CAMK4: variants seen among roughly 807,000 people sequenced by gnomAD.
CAMK4 encodes calcium/calmodulin dependent protein kinase IV.
In CAMK4, 22 loss-of-function variants were observed where a neutral mutation model predicts 44.9. The ratio of observed to expected loss-of-function variants is 0.49; its 90% CI spans 0.35 to 0.70. The LOEUF (loss-of-function observed/expected upper bound fraction) is 0.70, where lower values mean the gene tolerates loss of function less well. CAMK4 is among the 30% of genes least tolerant of loss of function. The pLI is 0.01. For missense variants in CAMK4, 498 were observed against 586.8 expected, an observed-to-expected ratio of 0.85 and a Z score of 1.56; for synonymous variants, 218 against 215.4, an observed-to-expected ratio of 1.01 and a Z score of -0.11.
intron 5 of CAMK4, among the ~76,000 whole-genome samples, chr5:111,424,501 G>A (rs964701350): frequency 7.8e-6 from 1 of 128,632 alleles, no homozygotes; most frequent in East Asian, 2.4e-4. Flanking sequence ...CTGGAGTGCA[G>A]TGGTGTGATC....
Position 111,331,816 on chromosome 5 carries a change from A to T in CAMK4, c.162-12208A>T, listed in dbSNP as rs369260891. 1.3e-4 allele frequency among the ~76,000 whole-genome samples: 20 copies of T among 151,910 alleles called. No individual in the cohort carries two copies. The South Asian group carries it at 4.1e-3, about 31-fold the overall frequency. On this transcript the variant is annotated intron_variant, in intron 1 of 10. Coordinates refer to ENST00000282356, the MANE Select transcript of CAMK4 (RefSeq NM_001744.6). ...AATAAATTATAAATTTGTGCTACCC[A>T]AAGTTCCATAGTTTTGATCTTAGTA...
chr5:111,247,481 G>A (rs982789376), intron 1 of CAMK4, among the ~76,000 whole-genome samples: 1 of 148,392 alleles, frequency 6.7e-6, no homozygotes, highest in African/African-American at 2.4e-5. Flanking sequence ...TTTTAAATTT[G>A]TAAATTGATT....
chr5:111,385,959 T>G (rs1751586670), intron 4 of CAMK4, among the ~76,000 whole-genome samples: 1 of 152,108 alleles, frequency 6.6e-6, no homozygotes, highest in Non-Finnish European at 1.5e-5. Flanking sequence ...ATTCCCAGAT[T>G]TGCAATTTGA....
At chr5:111,244,917 C>CT (rs1480929137) in intron 1 of CAMK4, among the ~76,000 whole-genome samples, 3 of 151,780 alleles carry the variant, frequency 2.0e-5, no homozygotes, top group African/African-American at 4.8e-5. Flanking sequence ...AAAATAAATC[C>CT]TTTTTTGTTT....
chr5:111,397,474 A>G (rs1196198416), intron 5 of CAMK4, among the ~76,000 whole-genome samples: 2 of 152,162 alleles, frequency 1.3e-5, no homozygotes, highest in South Asian at 2.1e-4. Flanking sequence ...GTGTAATATT[A>G]TACTCATTGA....
At chr5:111,287,530 A>C (rs1751286592) in intron 1 of CAMK4, among the ~76,000 whole-genome samples, 1 of 152,196 alleles carries the variant, frequency 6.6e-6, no homozygotes, top group African/African-American at 2.4e-5. Context: ...ATTTTAAGGA[A>C]AGTTTACTTT....
intron 5 of CAMK4, among the ~76,000 whole-genome samples, chr5:111,411,559 A>G (rs1265288465): frequency 2.6e-5 from 4 of 152,236 alleles, no homozygotes; most frequent in African/African-American, 2.4e-5. Context: ...ACAACCTGAT[A>G]GGAAATTGCT....
chr5:111,479,493 C>G (rs969393976), intron 9 of CAMK4, among the ~76,000 whole-genome samples: 3 of 152,098 alleles, frequency 2.0e-5, no homozygotes, highest in Non-Finnish European at 4.4e-5. Context: ...TAATCAAAAG[C>G]TGACTTTTGA....
chr5:111,452,349 G>A (rs1754267133), intron 7 of CAMK4, among the ~76,000 whole-genome samples: 1 of 152,174 alleles, frequency 6.6e-6, no homozygotes, highest in Non-Finnish European at 1.5e-5. Flanking sequence ...GATTTGACTT[G>A]GTAGGTAATG....
chr5:111,390,585 T>A (rs1751762183), intron 4 of CAMK4, among the ~76,000 whole-genome samples: 1 of 152,210 alleles, frequency 6.6e-6, no homozygotes, highest in Admixed American at 6.5e-5. Context: ...TTGTTGAAAC[T>A]GTCCTTTATG....
At chr5:111,397,320 C>T (rs571870648) in intron 5 of CAMK4, among the ~76,000 whole-genome samples, 11 of 152,220 alleles carry the variant, frequency 7.2e-5, no homozygotes, top group Middle Eastern at 3.4e-3. Flanking sequence ...AGATAACTTG[C>T]GGAAATCATA....
chr5:111,349,735 G>C (rs879453893), intron 2 of CAMK4, among the ~76,000 whole-genome samples: 1 of 151,796 alleles, frequency 6.6e-6, no homozygotes, highest in Non-Finnish European at 1.5e-5. Flanking sequence ...GTATCTAAAT[G>C]ACATGTCAGA....
chr5:111,269,151 G>A (rs1269126440), intron 1 of CAMK4, among the ~76,000 whole-genome samples: 1 of 152,152 alleles, frequency 6.6e-6, no homozygotes, highest in African/African-American at 2.4e-5. Flanking sequence ...TGCCCATCAT[G>A]TACGTATTTG....
At position 111,310,145 on chromosome 5, in the gene CAMK4, CTG is replaced by C. The variant is rs1336310887; in HGVS notation, c.162-33876_162-33875del. ...CGTTTTGGGGGTAGAGTTGACTTAACTGTGCTCCTCCGTCATGGCCACCTGTA... is the reference window on the plus strand; with the variant it reads ...CGTTTTGGGGGTAGAGTTGACTTAACTGCTCCTCCGTCATGGCCACCTGTA... On this transcript the variant is annotated intron_variant, in intron 1 of 10. Coordinates refer to ENST00000282356, the MANE Select transcript of CAMK4 (RefSeq NM_001744.6). 2.6e-5 allele frequency among the ~76,000 whole-genome samples: 4 copies of C among 151,592 alleles called. No homozygotes were observed. The East Asian group carries it at 7.7e-4, about 29-fold the overall frequency.
At chr5:111,455,590 G>T (rs141035981) in intron 7 of CAMK4, among the ~76,000 whole-genome samples, 11 of 152,300 alleles carry the variant, frequency 7.2e-5, no homozygotes, top group African/African-American at 2.6e-4. Context: ...ACAAAAGTCA[G>T]TGTCACCAAC....
In CAMK4 at chr5:111,446,679, T is replaced by G; in HGVS notation, c.460-7T>G. ...ACAAATGTTATTTCATTATTTTCCC[T>G]CTTTAGTATCTACATGAAAATGGGA... On this transcript the variant is annotated splice_polypyrimidine_tract_variant and splice_region_variant and intron_variant, in intron 5 of 10. Coordinates refer to ENST00000282356, the MANE Select transcript of CAMK4 (RefSeq NM_001744.6). 7.0e-7 allele frequency: 1 copy of G among 1,437,736 alleles called. No individual in the cohort carries two copies. The highest frequency in any genetic ancestry group is 1.2e-5 in the South Asian group (1 of 83,300). The allele number at this position is 1,437,736 out of a possible 1,614,324, so 89.1% of individuals were successfully genotyped here. A position where few individuals can be genotyped will look rare whatever the true frequency, so the allele number is the denominator to read the frequency against.
chr5:111,258,249 C>T (rs1460924535), intron 1 of CAMK4, among the ~76,000 whole-genome samples: 1 of 152,052 alleles, frequency 6.6e-6, no homozygotes, highest in Non-Finnish European at 1.5e-5. Flanking sequence ...AATGAGATAT[C>T]ATTGATGTAA....
intron 7 of CAMK4, among the ~76,000 whole-genome samples, chr5:111,455,927 G>C (rs1561498474): frequency 1.3e-5 from 2 of 152,156 alleles, no homozygotes. Flanking sequence ...CTATTATAAA[G>C]AATAAATAAG....
rs377494963 is a variant in CAMK4, at chr5:111,467,011, A to T, written c.626-6300A>T. On this transcript the variant is annotated intron_variant, in intron 7 of 10. Coordinates refer to ENST00000282356, the MANE Select transcript of CAMK4 (RefSeq NM_001744.6). Reference sequence around the variant, plus strand: ...ATAGGCACATAGCTCGATGGAACAGAATAGAGAACCCAGAAATAAATTGAA... The same window carrying T: ...ATAGGCACATAGCTCGATGGAACAGTATAGAGAACCCAGAAATAAATTGAA... Among the ~76,000 whole-genome samples the T allele has an allele frequency of 9.8e-5, 15 of 152,312 alleles. No individual in the cohort carries two copies. The East Asian group carries it at 2.7e-3, about 27-fold the overall frequency.
Sources: allele counts gnomAD v4.1 joint callset (sites outside exome capture counted in the v4.1 genomes callset), GRCh38; gene constraint gnomAD v4.1.1; transcripts MANE v1.5; gene names NCBI Gene and HGNC (gene_info 2026-07-23, HGNC 2026-07-21).